ACYP2: variants seen among roughly 807,000 people sequenced by gnomAD.
ACYP2 encodes the protein acylphosphatase 2.
A neutral mutation model predicts 11.2 loss-of-function variants in ACYP2; 12 were observed. The ratio of observed to expected loss-of-function variants is 1.08; its 90% CI spans 0.69 to 1.74. ACYP2 has a LOEUF of 1.74. ACYP2 is among the 40% of genes most tolerant of loss of function. ACYP2 has a pLI of 0.00. For synonymous variants in ACYP2, 43 were observed against 32.2 expected (o/e 1.33, Z -1.13); for missense variants, 134 against 101.9 (o/e 1.31, Z -1.35).
Position 54,305,063 on chromosome 2 carries a change from GGA to G in ACYP2, c.*262_*263del. 4.0e-6 allele frequency: 1 copy of G among 252,844 alleles called. No homozygotes were observed. The allele number at this position is 252,844 out of a possible 1,614,324, so 15.7% of individuals were successfully genotyped here. A position where few individuals can be genotyped will look rare whatever the true frequency, so the allele number is the denominator to read the frequency against. On this transcript the variant is annotated 3_prime_UTR_variant, in exon 7 of 7. Coordinates refer to ENST00000607452, the MANE Select transcript of ACYP2 (RefSeq NM_001320586.2). Reference sequence around the variant, plus strand: ...AACATTTAATTTAAACTTGTCTCATGGAATCTTTAATTTCAATGAACATTACA... The same window carrying G: ...AACATTTAATTTAAACTTGTCTCATGATCTTTAATTTCAATGAACATTACA...
At chr2:54,167,418 CTG>C (rs1683033199) in intron 6 of ACYP2, among the ~76,000 whole-genome samples, 2 of 152,182 alleles carry the variant, frequency 1.3e-5, no homozygotes, top group Admixed American at 1.3e-4. Flanking sequence ...CTTTTGGACA[CTG>C]TATTACAAAA....
chr2:54,248,098 T>C (rs1461796048), intron 6 of ACYP2, among the ~76,000 whole-genome samples: 1 of 152,240 alleles, frequency 6.6e-6, no homozygotes, highest in East Asian at 1.9e-4. Flanking sequence ...GCAGTTTGAC[T>C]CAGTGTGGGA....
At chr2:54,115,628 C>T (rs767196072) in intron 4 of ACYP2, 3 of 1,570,034 alleles carry the variant, frequency 1.9e-6, no homozygotes, top group Non-Finnish European at 2.6e-6. Context: ...TGTCCCCTCC[C>T]TCTCGCAGCC....
At chr2:54,173,482 T>A (rs1049246154) in intron 6 of ACYP2, among the ~76,000 whole-genome samples, 1 of 152,212 alleles carries the variant, frequency 6.6e-6, no homozygotes, top group Non-Finnish European at 1.5e-5. Context: ...TTTTCTCCCG[T>A]TCTGTAGGTT....
chr2:54,052,539 G>C (rs998079461), intron 3 of ACYP2, among the ~76,000 whole-genome samples: 5 of 152,090 alleles, frequency 3.3e-5, no homozygotes, highest in African/African-American at 1.2e-4. Context: ...AGAAACAATT[G>C]CTCTGTTAAC....
At chr2:54,135,187 T>C (rs564450948) in intron 4 of ACYP2, among the ~76,000 whole-genome samples, 1 of 151,642 alleles carries the variant, frequency 6.6e-6, no homozygotes, top group Admixed American at 6.6e-5. Context: ...GTGGATCTGC[T>C]GGACAAAGGG....
At chr2:54,207,171 ATATGTG>A (rs1685107802) in intron 6 of ACYP2, among the ~76,000 whole-genome samples, 1 of 68,466 alleles carries the variant, frequency 1.5e-5, no homozygotes, top group African/African-American at 4.8e-5. Context: ...TACAACATGT[ATATGTG>A]TGTGTGTGTG....
At chr2:54,201,630 TTCTTTCTC>T (rs1464635385) in intron 6 of ACYP2, among the ~76,000 whole-genome samples, 14 of 90,514 alleles carry the variant, frequency 1.5e-4, no homozygotes, top group Admixed American at 3.4e-4. Flanking sequence ...CTTTGTTTCT[TTCTTTCTC>T]TTTCTTTCTT....
At chr2:54,070,663 A>C (rs1418965464) in intron 4 of ACYP2, among the ~76,000 whole-genome samples, 1 of 152,060 alleles carries the variant, frequency 6.6e-6, no homozygotes. Flanking sequence ...TTTGTAAGCT[A>C]TGCTCTAATT....
intron 4 of ACYP2, among the ~76,000 whole-genome samples, chr2:54,088,637 G>C (rs534113174): frequency 4.4e-4 from 67 of 152,206 alleles, no homozygotes; most frequent in Non-Finnish European, 8.2e-4. Flanking sequence ...ACAGGAAGAA[G>C]AATCGCCTCT....
At chr2:54,104,084 A>G (rs192528737) in intron 4 of ACYP2, among the ~76,000 whole-genome samples, 20 of 152,366 alleles carry the variant, frequency 1.3e-4, no homozygotes, top group Non-Finnish European at 2.5e-4. Flanking sequence ...TACTGCCTCT[A>G]TTGGCGGTAG....
At chr2:54,074,578 TTGTGTGTGTGTGTGTG>T (rs59845178) in intron 4 of ACYP2, among the ~76,000 whole-genome samples, 47 of 146,058 alleles carry the variant, frequency 3.2e-4, no homozygotes, top group African/African-American at 9.7e-4. Context: ...AGAACAGAAT[TTGTGTGTGTGTGTGTG>T]TGTGTGTGTG....
At chr2:54,211,518 T>G (rs1685329640) in intron 6 of ACYP2, among the ~76,000 whole-genome samples, 1 of 152,222 alleles carries the variant, frequency 6.6e-6, no homozygotes, top group Non-Finnish European at 1.5e-5. Context: ...TGGTTTAAAG[T>G]ATGATTGGGA....
chr2:54,288,035 T>G (rs1390242989), intron 6 of ACYP2, among the ~76,000 whole-genome samples: 1 of 151,954 alleles, frequency 6.6e-6, no homozygotes, highest in Non-Finnish European at 1.5e-5. Context: ...AAAGGGGTAT[T>G]CTTGCACTTG....
chr2:54,150,739 CT>C (rs11295809), intron 6 of ACYP2, among the ~76,000 whole-genome samples: 71,912 of 137,290 alleles, frequency 0.52, 18,133 homozygotes, highest in East Asian at 0.7. Context: ...GCGTTTCTTT[CT>C]TTTTTTTTTT....
At chr2:54,133,271 T>G (rs1681024068) in intron 4 of ACYP2, among the ~76,000 whole-genome samples, 2 of 152,342 alleles carry the variant, frequency 1.3e-5, no homozygotes, top group South Asian at 2.1e-4. Context: ...CATAATGCAT[T>G]TGTGATTCAT....
chr2:54,203,217 T>G (rs1684928131), intron 6 of ACYP2, among the ~76,000 whole-genome samples: 1 of 151,862 alleles, frequency 6.6e-6, no homozygotes, highest in Non-Finnish European at 1.5e-5. Flanking sequence ...TATTTATTCT[T>G]CTTGAAGATA....
At chr2:54,157,707 G>C (rs1219957045) in intron 6 of ACYP2, among the ~76,000 whole-genome samples, 1 of 152,222 alleles carries the variant, frequency 6.6e-6, no homozygotes, top group East Asian at 1.9e-4. Context: ...CTTTCAAATA[G>C]TAGTAAGTGC....
chr2:54,186,971 G>A lies in ACYP2; in HGVS notation c.404+48223G>A, dbSNP rs550324626. ...TTTTTGAGTTACTGCACCATGGAAG[G>A]AAGAGGACAAAGGCACATTGTCCAG... On this transcript the variant is annotated intron_variant, in intron 6 of 6. Coordinates refer to ENST00000607452, the MANE Select transcript of ACYP2 (RefSeq NM_001320586.2). Among the ~76,000 whole-genome samples, 13 of 152,130 alleles carry A rather than the reference G, an allele frequency of 8.5e-5. No individual in the cohort carries two copies. In the South Asian group the frequency reaches 2.5e-3, roughly 29 times the overall value.
Sources: gnomAD v4.1 joint callset for allele counts (sites outside exome capture counted in the v4.1 genomes callset) on GRCh38, gnomAD v4.1.1 for gene constraint, MANE v1.5 for transcripts, NCBI Gene and HGNC (gene_info 2026-07-23, HGNC 2026-07-21) for gene names.